The following CHST9 variants were observed in gnomAD, a reference collection of about 807,000 sequenced individuals.
CHST9 encodes the protein GalNAc-4-sulfotransferase 2.
Under a neutral mutation model 44.4 loss-of-function variants are expected in CHST9, and 41 were observed. That is an observed-to-expected ratio of 0.92 (90% CI 0.72 to 1.20). CHST9 has a LOEUF of 1.20. CHST9 is among the 50% of genes most tolerant of loss of function. The pLI is 0.00. For synonymous variants in CHST9, 171 were observed against 178.4 expected, an observed-to-expected ratio of 0.96 and a Z score of 0.33; for missense variants, 504 against 516.5, an observed-to-expected ratio of 0.98 and a Z score of 0.23.
At chr18:27,182,604 T>G (rs2058921376) in intron 1 of CHST9, among the ~76,000 whole-genome samples, 4 of 152,194 alleles carry the variant, frequency 2.6e-5, no homozygotes, top group Admixed American at 6.5e-5. Flanking sequence ...TTTGGAATGA[T>G]AAAATACCGT....
At chr18:27,004,833 T>C (rs1598631659) in intron 4 of CHST9, among the ~76,000 whole-genome samples, 1 of 152,322 alleles carries the variant, frequency 6.6e-6, no homozygotes, top group East Asian at 1.9e-4. Flanking sequence ...TGAATTAATT[T>C]ATAATTGGAA....
intron 4 of CHST9, among the ~76,000 whole-genome samples, chr18:26,945,028 C>A (rs546018317): frequency 6.6e-6 from 1 of 151,966 alleles, no homozygotes; most frequent in African/African-American, 2.4e-5. Flanking sequence ...TGAAAGTGAT[C>A]AACGTTATGT....
chr18:27,151,494 T>C (rs1198295527), intron 1 of CHST9, among the ~76,000 whole-genome samples: 2 of 152,168 alleles, frequency 1.3e-5, no homozygotes, highest in East Asian at 1.9e-4. Flanking sequence ...AAGCTGTGAA[T>C]ATGTGACATT....
chr18:27,129,042 G>A (rs980368613), intron 2 of CHST9, among the ~76,000 whole-genome samples: 2 of 152,130 alleles, frequency 1.3e-5, no homozygotes, highest in Admixed American at 6.5e-5. Context: ...TTAAAACCCA[G>A]GCAGAATCAT....
chr18:27,054,074 C>G (rs545129080), intron 2 of CHST9, among the ~76,000 whole-genome samples: 6 of 152,288 alleles, frequency 3.9e-5, no homozygotes, highest in East Asian at 3.9e-4. Context: ...AGTCCCATAT[C>G]GTTCTCTCTC....
In CHST9 at chr18:26,916,377, G is replaced by T; in HGVS notation, c.1214C>A (p.Thr405Asn). ...ATACTGTCTCACGACTTGAGCATTG[G>T]TTCTTTCATCGGAAGAGTGCCTATC... Reference protein sequence around the residue: ...FKDRHSSDERTNAQVVRQYLK... With the variant: ...FKDRHSSDERNNAQVVRQYLK... Residue 405 changes from threonine (T) to asparagine (N), a missense_variant, in exon 6 of 6, where the codon ACC (threonine) becomes AAC (asparagine). Transcript: ENST00000618847. 2.5e-6 allele frequency: 4 copies of T among 1,613,770 alleles called. No homozygotes were observed. The highest frequency in any genetic ancestry group is 3.4e-6 in the Non-Finnish European group (4 of 1,179,714).
At chr18:27,157,625 G>A (rs768317183) in intron 1 of CHST9, among the ~76,000 whole-genome samples, 2 of 152,042 alleles carry the variant, frequency 1.3e-5, no homozygotes, top group East Asian at 1.9e-4. Context: ...TATAGGAAGC[G>A]CTTAAGGCAT....
intron 3 of CHST9, among the ~76,000 whole-genome samples, chr18:27,047,142 C>T (rs2057511177): frequency 6.6e-6 from 1 of 152,000 alleles, no homozygotes; most frequent in Non-Finnish European, 1.5e-5. Context: ...TCACCTTGAT[C>T]ACAAATAATT....
At chr18:26,960,699 G>A (rs891885648) in intron 4 of CHST9, among the ~76,000 whole-genome samples, 4 of 152,156 alleles carry the variant, frequency 2.6e-5, no homozygotes, top group African/African-American at 9.7e-5. Flanking sequence ...GCATAAATGG[G>A]TTAAGGGCAG....
intron 4 of CHST9, chr18:26,952,462 C>G: frequency 2.3e-6 from 1 of 439,832 alleles, no homozygotes; most frequent in South Asian, 1.8e-5. Flanking sequence ...CTGCAATGAA[C>G]AGTCATTTGG....
chr18:27,173,715 C>CT (rs2058848887), intron 1 of CHST9, among the ~76,000 whole-genome samples: 1 of 151,740 alleles, frequency 6.6e-6, no homozygotes, highest in Admixed American at 6.6e-5. Context: ...AGAAGACACT[C>CT]TGTTAATTAA....
intron 4 of CHST9, among the ~76,000 whole-genome samples, chr18:26,965,756 G>A (rs2056456724): frequency 2.0e-5 from 3 of 152,180 alleles, no homozygotes; most frequent in South Asian, 4.1e-4. Context: ...GTCGAGTTAA[G>A]GGTAAGAAGA....
At chr18:27,111,249 T>C (rs1008281241) in intron 2 of CHST9, among the ~76,000 whole-genome samples, 1 of 152,248 alleles carries the variant, frequency 6.6e-6, no homozygotes, top group Non-Finnish European at 1.5e-5. Flanking sequence ...CCCTATGTCC[T>C]GCTTTCTAAG....
chr18:26,956,361 C>G (rs2056324971), intron 4 of CHST9, among the ~76,000 whole-genome samples: 1 of 140,284 alleles, frequency 7.1e-6, no homozygotes, highest in Non-Finnish European at 1.5e-5. Flanking sequence ...ACAATTATAT[C>G]ATATATACAA....
At chr18:27,091,620 A>T (rs1483391918) in intron 2 of CHST9, among the ~76,000 whole-genome samples, 1 of 152,148 alleles carries the variant, frequency 6.6e-6, no homozygotes, top group Non-Finnish European at 1.5e-5. Context: ...GATATGTTCC[A>T]TCAATACTTA....
intron 5 of CHST9, among the ~76,000 whole-genome samples, chr18:26,931,161 G>GC (rs2055871540): frequency 6.6e-6 from 1 of 152,158 alleles, no homozygotes; most frequent in Non-Finnish European, 1.5e-5. Flanking sequence ...CATAAAGCAG[G>GC]CAAGTATAAC....
rs574388669 is a variant in CHST9 at position 27,176,667 on chromosome 18, G to A, written c.-97+8469C>T. The stretch of plus-strand genomic sequence containing the variant: ...AATGTAGAGGGACTTTCTGAGCTGC[G>A]ATTATGTTTTATAGAGTGTTCTGCA... On this transcript the variant is annotated intron_variant, in intron 1 of 5. Coordinates refer to ENST00000618847, the MANE Select transcript of CHST9 (RefSeq NM_031422.6). Among the ~76,000 whole-genome samples, 7 of 152,094 alleles carry A rather than the reference G, an allele frequency of 4.6e-5. No homozygotes were observed. The East Asian group carries it at 7.7e-4, about 17-fold the overall frequency.
intron 4 of CHST9, among the ~76,000 whole-genome samples, chr18:27,008,965 C>A (rs1294089694): frequency 1.3e-5 from 2 of 150,934 alleles, no homozygotes; most frequent in African/African-American, 4.9e-5. Flanking sequence ...GAATTGAAAA[C>A]CAAAGGAATC....
rs557381782 is a variant in CHST9 at position 26,909,467 on chromosome 18, A to AT, written c.*6791dup. 6.6e-6 allele frequency: 1 copy of AT among 152,048 alleles called. No individual in the cohort carries two copies. Among genetic ancestry groups the AT allele is most frequent in the South Asian group, 2.1e-4 (1 of 4,824 alleles). 9.4% of individuals were successfully genotyped at this position (152,048 alleles called of 1,614,324 possible). A position where few individuals can be genotyped will look rare whatever the true frequency, so the allele number is the denominator to read the frequency against. On this transcript the variant is annotated 3_prime_UTR_variant, in exon 6 of 6. Coordinates refer to ENST00000618847, the MANE Select transcript of CHST9 (RefSeq NM_031422.6). ...TTCTGATACAGGTCGTCCATACACT[A>AT]TTTTTTTCAGAAATTGATAAGTTAA... is the stretch of plus-strand genomic sequence containing the variant.
Sources: allele counts gnomAD v4.1 joint callset (sites outside exome capture counted in the v4.1 genomes callset), GRCh38; gene constraint gnomAD v4.1.1; transcripts MANE v1.5; gene names NCBI Gene and HGNC (gene_info 2026-07-23, HGNC 2026-07-21).